TRHDE: variants seen among roughly 807,000 people sequenced by gnomAD.
TRHDE encodes the protein thyrotropin-releasing hormone-degrading ectoenzyme.
TRHDE carries 72 observed loss-of-function variants against 125.7 expected under a neutral mutation model. The observed-to-expected ratio is 0.57, with a 90% confidence interval of 0.47 to 0.70. The LOEUF (loss-of-function observed/expected upper bound fraction) is 0.70, where lower values mean the gene tolerates loss of function less well. Ranked by LOEUF, TRHDE falls within the 30% of genes least tolerant of loss-of-function variation. The pLI, the probability that TRHDE is intolerant of heterozygous loss-of-function variation, is 0.00. For synonymous variants in TRHDE, 509 were observed against 509.1 expected (o/e 1.00, Z 0.00); for missense variants, 1,110 against 1,327.1 (o/e 0.84, Z 2.54).
intron 2 of TRHDE, among the ~76,000 whole-genome samples, chr12:72,242,140 A>G (rs1168589896): frequency 1.3e-5 from 2 of 152,218 alleles, no homozygotes; most frequent in African/African-American, 2.4e-5. Flanking sequence ...CATTTTTTAA[A>G]AAGATAATGT....
chr12:72,272,163 C>T (rs1565678683), upstream of TRHDE: 1 of 457,150 alleles, frequency 2.2e-6, no homozygotes, highest in Non-Finnish European at 4.4e-6. The surrounding 1 kb of genome is among the most constrained non-coding windows in gnomAD (Gnocchi z 6.7). Context: ...AACGCCGCCG[C>T]TGGAGTGGGG....
In TRHDE at chr12:72,272,680, GAGAAGAAAAAGA is replaced by G. The variant is rs1271268410; in HGVS notation, c.53_64del (p.Lys18_Lys21del). ...CGGCGAGCTGGGGGAGCAAGAGGAG[GAGAAGAAAAAGA>G]AGAAGAAAAAGAAGAGGAAGAAGAA... On this transcript the variant is annotated inframe_deletion, in exon 1 of 19. Coordinates refer to ENST00000261180, the MANE Select transcript of TRHDE (RefSeq NM_013381.3). This position sits in a 1 kb window ranked among gnomAD's most constrained non-coding sequence, Gnocchi z 6.7. The G allele has an allele frequency of 1.5e-6, 2 of 1,321,314 alleles. No individual in the cohort carries two copies. The highest frequency in any genetic ancestry group is 2.0e-6 in the Non-Finnish European group (2 of 997,164). 81.8% of individuals were successfully genotyped at this position (1,321,314 alleles called of 1,614,324 possible). A position where few individuals can be genotyped will look rare whatever the true frequency, so the allele number is the denominator to read the frequency against.
intron 2 of TRHDE, chr12:72,254,392 A>T (rs992219042): frequency 6.6e-6 from 1 of 151,838 alleles, no homozygotes; most frequent in Non-Finnish European, 1.5e-5. Flanking sequence ...CTCTCCAACT[A>T]CTCCAGGCCT....
At chr12:72,356,477 C>T (rs1870827033) in intron 2 of TRHDE, among the ~76,000 whole-genome samples, 2 of 151,166 alleles carry the variant, frequency 1.3e-5, no homozygotes, top group South Asian at 4.2e-4. Context: ...TACAGCAAAC[C>T]CCTGTGACAC....
At chr12:72,285,808 C>T (rs2139426705) in intron 1 of TRHDE, among the ~76,000 whole-genome samples, 1 of 152,252 alleles carries the variant, frequency 6.6e-6, no homozygotes, top group South Asian at 2.1e-4. Context: ...TGTGAGCCAC[C>T]ATGCCGGGCT....
Position 72,192,955 on chromosome 12 carries a change from G to A in TRHDE, n.279+87203G>A, listed in dbSNP as rs147188098. Among the ~76,000 whole-genome samples, 16 of 152,016 alleles carry A rather than the reference G, an allele frequency of 1.1e-4. No homozygotes were observed. In the East Asian group the frequency reaches 2.1e-3, roughly 20 times the overall value. On this transcript the variant is annotated intron_variant and non_coding_transcript_variant, in intron 2 of 4. Coordinates refer to the TRHDE transcript ENST00000548156. ...TTAGTTTATCACCATCATCATCATC[G>A]TATCATTATCAAATAAGAAGCTGAT...
chr12:72,146,546 A>G (rs1876231123), intron 2 of TRHDE, among the ~76,000 whole-genome samples: 1 of 152,204 alleles, frequency 6.6e-6, no homozygotes, highest in Non-Finnish European at 1.5e-5. Flanking sequence ...ATTTAAATAC[A>G]CAGAAAATTT....
intron 6 of TRHDE, among the ~76,000 whole-genome samples, chr12:72,528,711 A>G (rs1592514615): frequency 6.6e-6 from 1 of 151,138 alleles, no homozygotes. Context: ...CTGGTCTCGA[A>G]CTCCTGATCT....
intron 7 of TRHDE, among the ~76,000 whole-genome samples, chr12:72,552,306 G>A (rs1227714053): frequency 6.6e-6 from 1 of 152,154 alleles, no homozygotes; most frequent in East Asian, 1.9e-4. Context: ...ATGGTTCATA[G>A]AAATAGAGAC....
At chr12:72,314,213 A>C (rs1868682698) in intron 2 of TRHDE, among the ~76,000 whole-genome samples, 1 of 152,118 alleles carries the variant, frequency 6.6e-6, no homozygotes, top group Non-Finnish European at 1.5e-5. Flanking sequence ...GTACCAGAAC[A>C]GCAGACACCA....
intron 3 of TRHDE, among the ~76,000 whole-genome samples, chr12:72,429,656 G>A (rs529120465): frequency 6.6e-6 from 1 of 152,054 alleles, no homozygotes; most frequent in Non-Finnish European, 1.5e-5. Context: ...CCAGTATTGA[G>A]GGTTCCAATT....
chr12:72,295,561 A>C (rs990329423), intron 2 of TRHDE, among the ~76,000 whole-genome samples: 2 of 152,236 alleles, frequency 1.3e-5, no homozygotes, highest in African/African-American at 4.8e-5. Flanking sequence ...GGAAGGACAC[A>C]CACAATTTAC....
chr12:72,325,073 T>C (rs1869277351), intron 2 of TRHDE, among the ~76,000 whole-genome samples: 2 of 151,746 alleles, frequency 1.3e-5, no homozygotes, highest in Admixed American at 1.3e-4. Context: ...TGAATCCAAA[T>C]GGAAAAAGAA....
At chr12:72,371,661 G>C (rs979091906) in intron 2 of TRHDE, among the ~76,000 whole-genome samples, 20 of 151,758 alleles carry the variant, frequency 1.3e-4, no homozygotes, top group Non-Finnish European at 2.5e-4. Flanking sequence ...CTGTCCTTGG[G>C]GTAGTTTACT....
chr12:72,113,736 A>G (rs1020421670), intron 2 of TRHDE, among the ~76,000 whole-genome samples: 3 of 152,030 alleles, frequency 2.0e-5, no homozygotes, highest in Non-Finnish European at 4.4e-5. Context: ...TGTGCCAGGA[A>G]CCCAGGACTG....
At chr12:72,088,555 A>G (rs1432786563) in intron 1 of TRHDE, among the ~76,000 whole-genome samples, 3 of 151,664 alleles carry the variant, frequency 2.0e-5, no homozygotes, top group Non-Finnish European at 2.9e-5. Context: ...AATAAAATCC[A>G]GGCTATAGAG....
At chr12:72,107,072 T>A (rs942842834) in intron 2 of TRHDE, among the ~76,000 whole-genome samples, 1 of 152,168 alleles carries the variant, frequency 6.6e-6, no homozygotes, top group African/African-American at 2.4e-5. Context: ...TCCCTACTCA[T>A]ATTCTAAGTT....
rs189947520 is a variant in TRHDE at position 72,141,781 on chromosome 12, A to G, written n.279+36029A>G. ...TGGGTGCCAAGGGAGTATGTAAGAT[A>G]AACCTTCAAATTAGAGTGGGGGTAT... On this transcript the variant is annotated intron_variant and non_coding_transcript_variant, in intron 2 of 4. Coordinates refer to the TRHDE transcript ENST00000548156. Among the ~76,000 whole-genome samples, 635 of 152,366 alleles carry G rather than the reference A, an allele frequency of 4.2e-3. 26 individuals carry two copies. Among genetic ancestry groups the G allele is most frequent in the Non-Finnish European group, 8.2e-4 (56 of 68,034 alleles).
At chr12:72,090,262 T>C (rs974853560) in intron 1 of TRHDE, among the ~76,000 whole-genome samples, 4 of 152,174 alleles carry the variant, frequency 2.6e-5, no homozygotes, top group African/African-American at 9.7e-5. Context: ...TTTCCCACCG[T>C]GACTCACTCA....
Sources: gnomAD v4.1 joint callset for allele counts (sites outside exome capture counted in the v4.1 genomes callset) on GRCh38, gnomAD v4.1.1 for gene constraint, Gnocchi (gnomAD v3.1) non-coding constraint, MANE v1.5 for transcripts, NCBI Gene and HGNC (gene_info 2026-07-23, HGNC 2026-07-21) for gene names.